The following NCAPD3 variants were observed in gnomAD, a reference collection of about 807,000 sequenced individuals.
NCAPD3 encodes condensin-2 complex subunit D3.
A neutral mutation model predicts 182.9 loss-of-function variants in NCAPD3; 105 were observed. That is an observed-to-expected ratio of 0.57 (90% CI 0.49 to 0.68). The LOEUF (loss-of-function observed/expected upper bound fraction) is 0.68. Ranked by LOEUF, NCAPD3 falls within the 30% of genes least tolerant of loss-of-function variation. NCAPD3 has a pLI of 0.00. For synonymous variants in NCAPD3, 815 were observed against 679.9 expected, an observed-to-expected ratio of 1.20 and a Z score of -3.09; for missense variants, 1,944 against 1,837.0, an observed-to-expected ratio of 1.06 and a Z score of -1.07.
chr11:134,189,603 A>C (rs151067494), intron 16 of NCAPD3, among the ~76,000 whole-genome samples: 1 of 152,172 alleles, frequency 6.6e-6, no homozygotes, highest in Non-Finnish European at 1.5e-5. Flanking sequence ...TGCTCAGAGA[A>C]CATTATCCTA....
intron 1 of NCAPD3, among the ~76,000 whole-genome samples, chr11:134,221,357 CTTTTTCTTTTT>C (rs1206635331): frequency 2.0e-5 from 3 of 150,488 alleles, no homozygotes; most frequent in African/African-American, 7.3e-5. Context: ...CCATTCTTTT[CTTTTTCTTTTT>C]TTTTTGGATA....
At chr11:134,199,624 C>A (rs531653480) in intron 13 of NCAPD3, among the ~76,000 whole-genome samples, 22 of 152,328 alleles carry the variant, frequency 1.4e-4, no homozygotes, top group African/African-American at 5.3e-4. Context: ...AACAGAGAGT[C>A]TCCAGTGTAC....
chr11:134,152,072 A>G lies in NCAPD3; in HGVS notation c.*872T>C, dbSNP rs771786714. ...TGGGATTAAAAAACAAACCAACTGC[A>G]TTTCTTTCTGGATATTGTTGAACAA... On this transcript the variant is annotated 3_prime_UTR_variant, in exon 35 of 35. Coordinates refer to ENST00000534548, the MANE Select transcript of NCAPD3 (RefSeq NM_015261.3). 6.6e-6 allele frequency: 1 copy of G among 152,242 alleles called. No individual in the cohort carries two copies. The highest frequency in any genetic ancestry group is 1.5e-5 in the Non-Finnish European group (1 of 68,048). 9.4% of individuals were successfully genotyped at this position (152,242 alleles called of 1,614,324 possible).
intron 3 of NCAPD3, among the ~76,000 whole-genome samples, chr11:134,211,893 G>A (rs1198538871): frequency 6.6e-6 from 1 of 152,082 alleles, no homozygotes; most frequent in Non-Finnish European, 1.5e-5. Context: ...TAACACAGGA[G>A]TGACTGAAGT....
Position 134,194,005 on chromosome 11 carries a change from C to A in NCAPD3, c.1824+11G>T. The A allele has an allele frequency of 6.2e-7, 1 of 1,607,850 alleles. No homozygotes were observed. Among genetic ancestry groups the A allele is most frequent in the Non-Finnish European group, 8.5e-7 (1 of 1,176,644 alleles). ...TACCATGCATTACATATATAATGTC[C>A]TGCCTCTCACCATAAGGAGTTCAGT... On this transcript the variant is annotated intron_variant, in intron 15 of 34. Coordinates refer to ENST00000534548, the MANE Select transcript of NCAPD3 (RefSeq NM_015261.3).
At chr11:134,209,598 A>G in intron 4 of NCAPD3, 121 bp from the exon 5 acceptor site, 1 of 918,292 alleles carries the variant, frequency 1.1e-6, no homozygotes, top group Non-Finnish European at 1.6e-6. Context: ...TTGAGGTGAT[A>G]TGACTTTGAC....
chr11:134,152,896 G>A lies in NCAPD3; in HGVS notation c.*48C>T. On this transcript the variant is annotated 3_prime_UTR_variant, in exon 35 of 35. Coordinates refer to ENST00000534548, the MANE Select transcript of NCAPD3 (RefSeq NM_015261.3). ...GCCTTCACACGGAGGACACGAGACTGCTTCCTCAAGGGCTCCTGCCTGCCT... is the reference window on the plus strand; with the variant it reads ...GCCTTCACACGGAGGACACGAGACTACTTCCTCAAGGGCTCCTGCCTGCCT... 7.1e-7 allele frequency: 1 copy of A among 1,417,606 alleles called. No homozygotes were observed. The highest frequency in any genetic ancestry group is 9.6e-7 in the Non-Finnish European group (1 of 1,044,456). The allele number at this position is 1,417,606 out of a possible 1,614,324, so 87.8% of individuals were successfully genotyped here.
intron 3 of NCAPD3, among the ~76,000 whole-genome samples, chr11:134,212,703 ACT>A (rs1937882794): frequency 6.6e-6 from 1 of 152,118 alleles, no homozygotes; most frequent in Non-Finnish European, 1.5e-5. Context: ...AGGAAAATAC[ACT>A]GTTTTAAGGT....
chr11:134,163,752 G>T (rs916137944), intron 27 of NCAPD3, among the ~76,000 whole-genome samples: 3 of 146,456 alleles, frequency 2.0e-5, no homozygotes, highest in Non-Finnish European at 4.5e-5. Context: ...GGGGCCTGTA[G>T]TCCCAGCTAC....
chr11:134,212,519 T>G (rs1466824672), intron 3 of NCAPD3, among the ~76,000 whole-genome samples: 1 of 151,874 alleles, frequency 6.6e-6, no homozygotes, highest in Non-Finnish European at 1.5e-5. Context: ...CTCAGCCTCC[T>G]GAGTAGCATG....
At chr11:134,182,626 C>T (rs1327284887) in intron 19 of NCAPD3, among the ~76,000 whole-genome samples, 1 of 152,160 alleles carries the variant, frequency 6.6e-6, no homozygotes, top group East Asian at 1.9e-4. Context: ...TCAGCCAGCA[C>T]ACAGGATCAC....
In NCAPD3 at chr11:134,156,705, G is replaced by A. The variant is rs184903529; in HGVS notation, c.4252+313C>T. Among the ~76,000 whole-genome samples, 56 of 152,260 alleles carry A rather than the reference G, an allele frequency of 3.7e-4. 1 individual carries two copies. In the East Asian group the frequency reaches 9.5e-3, roughly 26 times the overall value. On this transcript the variant is annotated intron_variant, in intron 32 of 34. Transcript: ENST00000534548. ...GTGCACCCGGACAGCCCAGAGACAC[G>A]GAGGGCCGCCTCCAGAAGGCACCAC...
At chr11:134,171,584 C>T (rs1021426650) in intron 24 of NCAPD3, among the ~76,000 whole-genome samples, 1 of 152,138 alleles carries the variant, frequency 6.6e-6, no homozygotes, top group Non-Finnish European at 1.5e-5. Flanking sequence ...CCCATTTATA[C>T]CAGAATTCTA....
intron 1 of NCAPD3, among the ~76,000 whole-genome samples, chr11:134,222,090 C>T (rs1938253024): frequency 6.6e-6 from 1 of 152,224 alleles, no homozygotes; most frequent in Non-Finnish European, 1.5e-5. Flanking sequence ...GCCCTGTTAT[C>T]TACCATTTGG....
At chr11:134,156,275 G>A (rs528264494) in intron 32 of NCAPD3, among the ~76,000 whole-genome samples, 10 of 152,280 alleles carry the variant, frequency 6.6e-5, no homozygotes, top group Non-Finnish European at 8.8e-5. Context: ...AGGGACGAGC[G>A]GGGCTGGATG....
chr11:134,184,579 A>G, intron 19 of NCAPD3, 58 bp downstream of exon 19: 2 of 1,218,688 alleles, frequency 1.6e-6, no homozygotes, highest in Non-Finnish European at 1.2e-6. Context: ...CAAAACACAT[A>G]CAGTAACATC....
rs187464103 is a variant in NCAPD3 at position 134,163,160 on chromosome 11, T to G, written c.3574-1269A>C. Among the ~76,000 whole-genome samples the G allele has an allele frequency of 4.7e-4, 72 of 152,286 alleles. No individual in the cohort carries two copies. The East Asian group carries it at 0.013, about 28-fold the overall frequency. ...TACCTTGAAAAAGAAGAATCAGGGT[T>G]TATTCAGAAGATGACAGGAAGCCAC... On this transcript the variant is annotated intron_variant, in intron 27 of 34. Coordinates refer to ENST00000534548, the MANE Select transcript of NCAPD3 (RefSeq NM_015261.3).
intron 1 of NCAPD3, among the ~76,000 whole-genome samples, chr11:134,220,995 G>A (rs1325116570): frequency 6.6e-6 from 1 of 152,200 alleles, no homozygotes; most frequent in African/African-American, 2.4e-5. Context: ...TTTTGGGAAA[G>A]GACACTTCAA....
At chr11:134,185,080 T>C (rs1944375906) in intron 17 of NCAPD3, 80 bp from the exon 18 acceptor site, 1 of 1,178,414 alleles carries the variant, frequency 8.5e-7, no homozygotes, top group Middle Eastern at 1.9e-4. Context: ...TCTGGATTAA[T>C]AACACTGGAG....
Sources: gnomAD v4.1 joint callset for allele counts (sites outside exome capture counted in the v4.1 genomes callset) on GRCh38, gnomAD v4.1.1 for gene constraint, MANE v1.5 for transcripts, NCBI Gene and HGNC (gene_info 2026-07-23, HGNC 2026-07-21) for gene names.